The following RAB2A variants were observed in gnomAD, a reference collection of about 807,000 sequenced individuals.
RAB2A encodes the protein ras-related protein Rab-2A.
A neutral mutation model predicts 32.5 loss-of-function variants in RAB2A; 7 were observed. The observed-to-expected ratio is 0.22, with a 90% CI of 0.12 to 0.40. The LOEUF is 0.40. RAB2A is among the 10% of genes least tolerant of loss of function. The pLI, the probability that RAB2A is intolerant of heterozygous loss-of-function variation, is 1.00. For missense variants in RAB2A, 108 were observed against 260.7 expected, an observed-to-expected ratio of 0.41 and a Z score of 4.03; for synonymous variants, 79 against 85.2, an observed-to-expected ratio of 0.93 and a Z score of 0.40.
At chr8:60,609,984 A>AT (rs1329224686) in intron 6 of RAB2A, among the ~76,000 whole-genome samples, 1 of 130,778 alleles carries the variant, frequency 7.6e-6, no homozygotes, top group East Asian at 2.3e-4. Context: ...AAAAAAAAAA[A>AT]TCCAGACAAG....
chr8:60,546,928 TGGGTGTTTCTCGCAGA>T (rs1807737845), intron 1 of RAB2A, among the ~76,000 whole-genome samples: 1 of 137,188 alleles, frequency 7.3e-6, no homozygotes, highest in African/African-American at 3.0e-5. Flanking sequence ...TGATCATTCT[TGGGTGTTTCTCGCAGA>T]GGGGGATTTG....
At chr8:60,567,165 G>A (rs1808128199) in intron 2 of RAB2A, among the ~76,000 whole-genome samples, 1 of 150,252 alleles carries the variant, frequency 6.7e-6, no homozygotes, top group Non-Finnish European at 1.5e-5. Flanking sequence ...TGCCAGGCTG[G>A]AGTGCAGTGG....
intron 6 of RAB2A, among the ~76,000 whole-genome samples, chr8:60,597,074 A>T (rs2130857425): frequency 6.6e-6 from 1 of 152,300 alleles, no homozygotes; most frequent in South Asian, 2.1e-4. Flanking sequence ...TTACCATTTG[A>T]CCCTGCAATC....
intron 1 of RAB2A, among the ~76,000 whole-genome samples, chr8:60,519,323 C>G (rs1807265036): frequency 6.6e-6 from 1 of 151,686 alleles, no homozygotes; most frequent in Non-Finnish European, 1.5e-5. Flanking sequence ...TTCTCGCCTT[C>G]TTTCCCGCTA....
chr8:60,538,756 C>T (rs1807594697), intron 1 of RAB2A, among the ~76,000 whole-genome samples: 2 of 152,146 alleles, frequency 1.3e-5, no homozygotes, highest in African/African-American at 4.8e-5. Flanking sequence ...GTGCTGAGTG[C>T]TGATGAAGCT....
chr8:60,610,413 C>T (rs192361420), intron 6 of RAB2A, among the ~76,000 whole-genome samples: 8 of 152,312 alleles, frequency 5.3e-5, no homozygotes, highest in Admixed American at 4.6e-4. Context: ...ACCATCTTGT[C>T]TTGGGCTTTG....
At chr8:60,611,305 G>A (rs1490518941) in intron 6 of RAB2A, among the ~76,000 whole-genome samples, 3 of 152,008 alleles carry the variant, frequency 2.0e-5, no homozygotes, top group East Asian at 1.9e-4. Flanking sequence ...TTTATCTCAC[G>A]TTCCTGGCCG....
chr8:60,530,934 C>G (rs867278000), intron 1 of RAB2A, among the ~76,000 whole-genome samples: 24 of 152,304 alleles, frequency 1.6e-4, no homozygotes, highest in Middle Eastern at 3.4e-3. Flanking sequence ...GAGAAGATAC[C>G]TGCCACTAAC....
intron 3 of RAB2A, among the ~76,000 whole-genome samples, chr8:60,577,792 ATTTT>A (rs3055112): frequency 1.2e-4 from 14 of 112,946 alleles, no homozygotes; most frequent in Admixed American, 4.0e-4. Flanking sequence ...CGCCCGGCTA[ATTTT>A]TTTTTTTTTT....
intron 2 of RAB2A, chr8:60,570,009 C>T (rs1424588892): frequency 2.2e-6 from 1 of 456,224 alleles, no homozygotes; most frequent in Admixed American, 2.3e-5. Context: ...TATCCTGCAG[C>T]AGGAGCAGTT....
At chr8:60,544,286 C>T (rs1009737860) in intron 1 of RAB2A, among the ~76,000 whole-genome samples, 8 of 151,606 alleles carry the variant, frequency 5.3e-5, no homozygotes, top group Non-Finnish European at 1.2e-4. Context: ...GTGATCTGCC[C>T]ACCTCAGCCT....
At chr8:60,566,904 G>A (rs1808123153) in intron 2 of RAB2A, among the ~76,000 whole-genome samples, 1 of 152,094 alleles carries the variant, frequency 6.6e-6, no homozygotes, top group Non-Finnish European at 1.5e-5. Flanking sequence ...ATGGCCTTCA[G>A]CTCCATCCCT....
intron 1 of RAB2A, among the ~76,000 whole-genome samples, chr8:60,530,057 T>C (rs1330425992): frequency 6.6e-6 from 1 of 151,122 alleles, no homozygotes; most frequent in East Asian, 1.9e-4. Flanking sequence ...AGCCTCTGCC[T>C]CCTGGGCTCA....
intron 6 of RAB2A, among the ~76,000 whole-genome samples, chr8:60,594,339 T>C (rs1353594418): frequency 6.6e-6 from 1 of 152,180 alleles, no homozygotes; most frequent in Non-Finnish European, 1.5e-5. Context: ...TGGTCAAATT[T>C]CTGAACGTGA....
At chr8:60,596,012 T>G (rs548710005) in intron 6 of RAB2A, among the ~76,000 whole-genome samples, 1 of 152,140 alleles carries the variant, frequency 6.6e-6, no homozygotes, top group South Asian at 2.1e-4. Context: ...AAAAACACAT[T>G]GAACTGAATG....
chr8:60,620,950 T>G lies in RAB2A; in HGVS notation c.*181T>G. 1 of 544,270 alleles carries G rather than the reference T, an allele frequency of 1.8e-6. No individual in the cohort carries two copies. Among genetic ancestry groups the G allele is most frequent in the East Asian group, 3.2e-5 (1 of 31,316 alleles). The allele number at this position is 544,270 out of a possible 1,614,324, so 33.7% of individuals were successfully genotyped here. ...TTAATGTTCACTTAAAAGACAGATT[T>G]TGGAGATTGTATTCATATCTATTTG... On this transcript the variant is annotated 3_prime_UTR_variant, in exon 8 of 8. Transcript: ENST00000262646.
At chr8:60,603,222 A>G (rs1804166918) in intron 6 of RAB2A, among the ~76,000 whole-genome samples, 1 of 152,210 alleles carries the variant, frequency 6.6e-6, no homozygotes, top group African/African-American at 2.4e-5. Context: ...ATTTGTTAAG[A>G]TTAAATATAA....
chr8:60,557,917 TA>T (rs1175698317), intron 1 of RAB2A, among the ~76,000 whole-genome samples: 1 of 152,214 alleles, frequency 6.6e-6, no homozygotes, highest in East Asian at 1.9e-4. Context: ...TCATTATAAT[TA>T]TTTCAAATTA....
chr8:60,560,351 A>T (rs530879725), intron 2 of RAB2A, among the ~76,000 whole-genome samples: 2 of 152,296 alleles, frequency 1.3e-5, no homozygotes, highest in South Asian at 4.1e-4. Flanking sequence ...GGCCTCCCAA[A>T]GTGCTGGGAT....
Sources: gnomAD v4.1 joint callset for allele counts (sites outside exome capture counted in the v4.1 genomes callset) on GRCh38, gnomAD v4.1.1 for gene constraint, MANE v1.5 for transcripts, NCBI Gene and HGNC (gene_info 2026-07-23, HGNC 2026-07-21) for gene names.